RAD51: variants seen among roughly 807,000 people sequenced by gnomAD.
RAD51 encodes DNA repair protein RAD51 homolog 1.
Under a neutral mutation model 41.5 loss-of-function variants are expected in RAD51, and 14 were observed. The ratio of observed to expected loss-of-function variants is 0.34; its 90% CI spans 0.22 to 0.53. The LOEUF is 0.53. RAD51 is among the 20% of genes least tolerant of loss of function. The probability of loss-of-function intolerance (pLI) is 0.95; values close to 1 mark genes in which losing one functional copy is unlikely to be tolerated. For synonymous variants in RAD51, 136 were observed against 148.6 expected (o/e 0.92, Z 0.62); for missense variants, 234 against 422.0 (o/e 0.55, Z 3.90).
intron 6 of RAD51, among the ~76,000 whole-genome samples, chr15:40,727,962 C>A (rs45550736): frequency 6.6e-6 from 1 of 150,548 alleles, no homozygotes; most frequent in African/African-American, 2.4e-5. Context: ...CGGGTTCAAG[C>A]GATTCTTCTG....
rs190383527 is a variant in RAD51 at position 40,721,877 on chromosome 15, C to T, written c.530+2978C>T. On this transcript the variant is annotated intron_variant, in intron 6 of 9. Transcript: ENST00000267868. ...AACAGGAACTCAGATACTTGGACAG[C>T]GATGTTCATAGCAGCATTACTCACA... Among the ~76,000 whole-genome samples, 277 of 152,214 alleles carry T rather than the reference C, an allele frequency of 1.8e-3. 1 individual carries two copies. Among genetic ancestry groups the T allele is most frequent in the African/African-American group, 6.3e-3 (260 of 41,526 alleles).
intron 6 of RAD51, among the ~76,000 whole-genome samples, chr15:40,725,550 T>C (rs181883001): frequency 1.1e-3 from 164 of 152,314 alleles, no homozygotes; most frequent in Admixed American, 3.8e-3. Flanking sequence ...CATGTTACTG[T>C]AGCTCTGGGG....
At chr15:40,700,966 G>A (rs1894950814) in intron 2 of RAD51, 98 bp from the exon 3 acceptor site, 36 of 1,022,348 alleles carry the variant, frequency 3.5e-5, no homozygotes, top group Non-Finnish European at 4.3e-5. Flanking sequence ...TGTATTACAA[G>A]TCTTCAAGCA....
chr15:40,704,294 G>A (rs925905226), intron 3 of RAD51, among the ~76,000 whole-genome samples: 1 of 151,336 alleles, frequency 6.6e-6, no homozygotes, highest in African/African-American at 2.4e-5. Context: ...TTGATCTCCT[G>A]ACCTCATGAT....
chr15:40,707,208 G>A (rs1895405687), intron 4 of RAD51, among the ~76,000 whole-genome samples: 2 of 143,534 alleles, frequency 1.4e-5, no homozygotes, highest in South Asian at 4.5e-4. Context: ...TGTTGCCCAG[G>A]CTGGTCTCAA....
At chr15:40,729,720 C>T in intron 8 of RAD51, 86 bp downstream of exon 8, 2 of 1,609,634 alleles carry the variant, frequency 1.2e-6, no homozygotes, top group Non-Finnish European at 1.7e-6. Context: ...GACATCAGTG[C>T]CTGAGATCAT....
intron 5 of RAD51, among the ~76,000 whole-genome samples, chr15:40,709,838 G>A (rs952531538): frequency 1.3e-5 from 2 of 152,048 alleles, no homozygotes; most frequent in Non-Finnish European, 1.5e-5. Flanking sequence ...GAGAAAAATC[G>A]TATCATACAG....
chr15:40,716,966 G>T (rs1896022836), intron 5 of RAD51, among the ~76,000 whole-genome samples: 1 of 151,818 alleles, frequency 6.6e-6, no homozygotes, highest in African/African-American at 2.4e-5. Flanking sequence ...CTGGCCTCCG[G>T]CCCTCTACTT....
intron 3 of RAD51, among the ~76,000 whole-genome samples, chr15:40,702,149 G>T (rs760514088): frequency 6.6e-6 from 1 of 152,130 alleles, no homozygotes; most frequent in East Asian, 1.9e-4. Flanking sequence ...AAATTTATTG[G>T]ATTACTCAAA....
chr15:40,717,728 T>C (rs554401231), intron 5 of RAD51, among the ~76,000 whole-genome samples: 3 of 152,300 alleles, frequency 2.0e-5, no homozygotes, highest in East Asian at 3.9e-4. Context: ...ACTCGAAATT[T>C]GCTATAGACA....
rs1473559065 is a variant in RAD51 at position 40,701,955 on chromosome 15, TG to T, written c.225+755del. 1.3e-5 allele frequency: 4 copies of T among 298,486 alleles called. No homozygotes were observed. In the East Asian group the frequency reaches 4.7e-4, roughly 35 times the overall value. 18.5% of individuals were successfully genotyped at this position (298,486 alleles called of 1,614,324 possible). ...TGTGCCACCACACCCAGCTAATTTT[TG>T]TATTTTTATTAGAGACAGGGTTTCA... On this transcript the variant is annotated intron_variant, in intron 3 of 9. Transcript: ENST00000267868.
chr15:40,723,712 A>G (rs1276867986), intron 6 of RAD51, among the ~76,000 whole-genome samples: 1 of 152,198 alleles, frequency 6.6e-6, no homozygotes, highest in Non-Finnish European at 1.5e-5. Context: ...GGGTGATGAA[A>G]ATGCTCTAAA....
chr15:40,718,189 C>T (rs1896079191), intron 5 of RAD51, among the ~76,000 whole-genome samples: 1 of 152,030 alleles, frequency 6.6e-6, no homozygotes, highest in South Asian at 2.1e-4. Flanking sequence ...CACCACTGCA[C>T]TCCAGCCTGG....
At chr15:40,699,868 C>G (rs953041958) in intron 2 of RAD51, among the ~76,000 whole-genome samples, 2 of 152,060 alleles carry the variant, frequency 1.3e-5, no homozygotes, top group African/African-American at 4.8e-5. Context: ...CTGATTTGGG[C>G]TAAGTAGGAG....
intron 5 of RAD51, among the ~76,000 whole-genome samples, chr15:40,710,241 C>CAAAAAAAAA (rs71104728): frequency 4.5e-5 from 2 of 44,302 alleles, no homozygotes; most frequent in Non-Finnish European, 7.0e-5. Flanking sequence ...GACTCTGTCT[C>CAAAAAAAAA]AAAAAAAAAA....
Position 40,730,522 on chromosome 15 carries a change from T to TTTTTTTTTTTTCTTTTC in RAD51, c.897-522_897-521insCTTTTCTTTTTTTTTTT, listed in dbSNP as rs1228361941. Among the ~76,000 whole-genome samples the TTTTTTTTTTTTCTTTTC allele has an allele frequency of 1.3e-3, 114 of 87,134 alleles. 8 individuals carry two copies. The highest frequency in any genetic ancestry group is 7.3e-3 in the African/African-American group (85 of 11,666). 57.2% of individuals were successfully genotyped at this position (87,134 alleles called of 152,430 possible). On this transcript the variant is annotated intron_variant, in intron 9 of 9. Coordinates refer to ENST00000267868, the MANE Select transcript of RAD51 (RefSeq NM_002875.5). ...ACTGTCTTGAAAAAATTTTTTTTCT[T>TTTTTTTTTTTTCTTTTC]TTTTTTTTTTTTTTTTTGAGATGGA...
chr15:40,713,562 G>GTTTC (rs34012056), intron 5 of RAD51, among the ~76,000 whole-genome samples: 92,418 of 149,126 alleles, frequency 0.62, 29,117 homozygotes, highest in East Asian at 0.92. Flanking sequence ...CATTTTAATT[G>GTTTC]TTTATTGCTC....
intron 5 of RAD51, among the ~76,000 whole-genome samples, chr15:40,712,879 T>TTTC (rs1555427826): frequency 6.9e-5 from 9 of 129,876 alleles, no homozygotes; most frequent in South Asian, 2.3e-4. Context: ...TTTCTTTTCT[T>TTTC]TTTTTTTTTT....
intron 6 of RAD51, among the ~76,000 whole-genome samples, chr15:40,726,096 T>C (rs897125659): frequency 1.3e-5 from 2 of 152,184 alleles, no homozygotes; most frequent in African/African-American, 4.8e-5. Flanking sequence ...TCTGAAGTAC[T>C]GTGAAAGAAT....
Sources: gnomAD v4.1 joint callset for allele counts (sites outside exome capture counted in the v4.1 genomes callset) on GRCh38, gnomAD v4.1.1 for gene constraint, MANE v1.5 for transcripts, NCBI Gene and HGNC (gene_info 2026-07-23, HGNC 2026-07-21) for gene names.